RELN: variants seen among roughly 807,000 people sequenced by gnomAD.
RELN encodes the protein reelin.
A neutral mutation model predicts 427.6 loss-of-function variants in RELN; 108 were observed. The ratio of observed to expected loss-of-function variants is 0.25; its 90% CI spans 0.22 to 0.30. The LOEUF (loss-of-function observed/expected upper bound fraction) is 0.30. Ranked by LOEUF, RELN falls within the 10% of genes least tolerant of loss-of-function variation. RELN has a pLI of 1.00. For synonymous variants in RELN, 1,524 were observed against 1,513.4 expected (o/e 1.01, Z -0.16); for missense variants, 3,715 against 4,302.8 (o/e 0.86, Z 3.82).
chr7:103,662,538 T>C (rs536738694), intron 11 of RELN, among the ~76,000 whole-genome samples: 2 of 148,026 alleles, frequency 1.4e-5, no homozygotes, highest in African/African-American at 5.0e-5. Flanking sequence ...TGGAGAATGG[T>C]GTGAACCCAG....
In RELN at chr7:103,824,349, G is replaced by T. The variant is rs62480758; in HGVS notation, c.473+9188C>A. 3.1e-3 allele frequency among the ~76,000 whole-genome samples: 467 copies of T among 152,082 alleles called. 1 individual carries two copies. Among genetic ancestry groups the T allele is most frequent in the Non-Finnish European group, 5.7e-3 (388 of 67,978 alleles). ...TTACAAGTAACTTATCTTGACCAAAGGCTCCACTCAGATGACAAATTTCTT... is the reference window on the plus strand; with the variant it reads ...TTACAAGTAACTTATCTTGACCAAATGCTCCACTCAGATGACAAATTTCTT... On this transcript the variant is annotated intron_variant, in intron 3 of 64. Coordinates refer to ENST00000428762, the MANE Select transcript of RELN (RefSeq NM_005045.4). This position sits in a 1 kb window ranked among gnomAD's most constrained non-coding sequence, Gnocchi z 4.4.
At chr7:103,680,811 G>A (rs1369540560) in intron 11 of RELN, among the ~76,000 whole-genome samples, 1 of 152,096 alleles carries the variant, frequency 6.6e-6, no homozygotes, top group African/African-American at 2.4e-5. Flanking sequence ...AAACTTCAGG[G>A]TGTCAGGAAT....
At chr7:103,673,695 G>C (rs1833445538) in intron 11 of RELN, among the ~76,000 whole-genome samples, 1 of 152,034 alleles carries the variant, frequency 6.6e-6, no homozygotes, top group Admixed American at 6.6e-5. Flanking sequence ...TATTTGGCTG[G>C]AGAAGGAATT....
chr7:103,745,225 C>A (rs1268236589), intron 6 of RELN, among the ~76,000 whole-genome samples: 1 of 152,048 alleles, frequency 6.6e-6, no homozygotes, highest in African/African-American at 2.4e-5. Flanking sequence ...GCCCTTCATG[C>A]TAAAAACTCT....
At chr7:103,978,675 A>G (rs1009710633) in intron 1 of RELN, among the ~76,000 whole-genome samples, 2 of 152,214 alleles carry the variant, frequency 1.3e-5, no homozygotes, top group African/African-American at 4.8e-5. Flanking sequence ...TTTCATTTCA[A>G]TGAATACAGA....
chr7:103,730,414 G>A (rs1033375650), intron 6 of RELN, among the ~76,000 whole-genome samples: 23 of 151,732 alleles, frequency 1.5e-4, no homozygotes, highest in African/African-American at 5.3e-4. Context: ...TGGAATTAGA[G>A]AACCAGTACC....
At chr7:103,713,004 G>A (rs1368010549) in intron 8 of RELN, among the ~76,000 whole-genome samples, 2 of 152,112 alleles carry the variant, frequency 1.3e-5, no homozygotes, top group African/African-American at 2.4e-5. Context: ...GCTGGGAGCA[G>A]CCTCTTTCCC....
Position 103,720,543 on chromosome 7 carries a change from A to G in RELN, c.805+2597T>C, listed in dbSNP as rs116439555. ...AAGGAGTGACACTAAAACTAACTGG[A>G]CATATTATTATTAGTATAGATTTGG... On this transcript the variant is annotated intron_variant, in intron 8 of 64. Coordinates refer to ENST00000428762, the MANE Select transcript of RELN (RefSeq NM_005045.4). Among the ~76,000 whole-genome samples the G allele has an allele frequency of 1.6e-3, 247 of 152,304 alleles. 2 individuals are homozygous for G. The highest frequency in any genetic ancestry group is 5.7e-3 in the African/African-American group (235 of 41,570).
chr7:103,687,161 T>G (rs1235143911), intron 10 of RELN, among the ~76,000 whole-genome samples: 1 of 152,178 alleles, frequency 6.6e-6, no homozygotes, highest in Non-Finnish European at 1.5e-5. Flanking sequence ...TTATGACAAC[T>G]CTAAAATGGC....
Position 103,661,492 on chromosome 7 carries a change from C to T in RELN, c.1325G>A (p.Cys442Tyr). ...TGATAAGCCTGATTCTATCGTTCCA[C>T]ATTCTGTACCAATGACAGCTCCCAA... ...DVLGAVIGTE[C>Y]GTIESGLSMV... Residue 442 changes from cysteine to tyrosine, a missense_variant, in exon 12 of 65, where the codon TGT becomes TAT. Transcript: ENST00000428762. The T allele has an allele frequency of 6.2e-7, 1 of 1,613,614 alleles. No homozygotes were observed. The highest frequency in any genetic ancestry group is 1.3e-5 in the African/African-American group (1 of 74,958).
intron 51 of RELN, among the ~76,000 whole-genome samples, chr7:103,508,090 T>A (rs1024246719): frequency 6.6e-6 from 1 of 152,108 alleles, no homozygotes; most frequent in Non-Finnish European, 1.5e-5. Flanking sequence ...TTCACAGCTG[T>A]ATTCTACCAG....
chr7:103,697,059 T>C (rs1423404633), intron 10 of RELN, among the ~76,000 whole-genome samples: 2 of 152,168 alleles, frequency 1.3e-5, no homozygotes, highest in East Asian at 3.9e-4. Flanking sequence ...CAGAGTACTA[T>C]GACTGGGTGG....
intron 5 of RELN, 66 bp from the exon 6 acceptor site, chr7:103,749,570 T>C: frequency 2.8e-6 from 3 of 1,084,144 alleles, no homozygotes; most frequent in Non-Finnish European, 4.3e-6. Flanking sequence ...TAAACACAAG[T>C]GCCAACATGC....
chr7:103,898,236 G>A (rs264366), intron 2 of RELN, among the ~76,000 whole-genome samples: 1 of 151,810 alleles, frequency 6.6e-6, no homozygotes, highest in South Asian at 2.1e-4. Flanking sequence ...TTTCTAAACT[G>A]TCTTTATTTC....
intron 4 of RELN, among the ~76,000 whole-genome samples, chr7:103,761,331 C>A (rs1174783047): frequency 6.6e-6 from 1 of 152,152 alleles, no homozygotes; most frequent in Admixed American, 6.5e-5. Context: ...CTCATGTCAC[C>A]ATCTTTTCTG....
chr7:103,834,707 T>A (rs531419060), intron 2 of RELN, among the ~76,000 whole-genome samples: 133 of 152,242 alleles, frequency 8.7e-4, no homozygotes, highest in Non-Finnish European at 1.2e-3. Flanking sequence ...ATATTCAGGA[T>A]CATATGTCAT....
rs113113916 is a variant in RELN, at chr7:103,500,705, T to C, written c.8667+40A>G. On this transcript the variant is annotated intron_variant, in intron 53 of 64. Transcript: ENST00000428762. ...TAAGTTGGTTCCTAGGCATGACCCATGATGTGAGTAATGCGTCTTGTCCAG... is the reference window on the plus strand; with the variant it reads ...TAAGTTGGTTCCTAGGCATGACCCACGATGTGAGTAATGCGTCTTGTCCAG... The C allele has an allele frequency of 1.3e-3, 2,149 of 1,602,806 alleles. 23 individuals carry two copies. In the African/African-American group the frequency reaches 0.025, roughly 19 times the overall value.
At chr7:103,850,718 A>G (rs28841308) in intron 2 of RELN, among the ~76,000 whole-genome samples, 21,428 of 152,200 alleles carry the variant, frequency 0.14, 1,710 homozygotes, top group East Asian at 0.29. Context: ...CAAATGGCCA[A>G]CAAACATATG....
chr7:103,787,067 T>C (rs541044972), intron 3 of RELN, among the ~76,000 whole-genome samples: 1 of 152,202 alleles, frequency 6.6e-6, no homozygotes, highest in African/African-American at 2.4e-5. Context: ...CACAACTACA[T>C]GGAAACTGAA....
Sources: allele counts gnomAD v4.1 joint callset (sites outside exome capture counted in the v4.1 genomes callset), GRCh38; gene constraint gnomAD v4.1.1; non-coding constraint Gnocchi (gnomAD v3.1); transcripts MANE v1.5; gene names NCBI Gene and HGNC (gene_info 2026-07-23, HGNC 2026-07-21).